RAPGEF2: variants seen among roughly 807,000 people sequenced by gnomAD.
RAPGEF2 encodes PDZ domain containing guanine nucleotide exchange factor (GEF) 1.
A neutral mutation model predicts 186.7 loss-of-function variants in RAPGEF2; 54 were observed. The ratio of observed to expected loss-of-function variants is 0.29; its 90% CI spans 0.23 to 0.36. RAPGEF2 has a LOEUF of 0.36. RAPGEF2 is among the 10% of genes least tolerant of loss of function. RAPGEF2 has a pLI of 1.00. For synonymous variants in RAPGEF2, 712 were observed against 705.9 expected, an observed-to-expected ratio of 1.01 and a Z score of -0.14; for missense variants, 1,532 against 2,045.0, an observed-to-expected ratio of 0.75 and a Z score of 4.84.
chr4:159,223,907 T>A (rs1751773061), intron 4 of RAPGEF2, among the ~76,000 whole-genome samples: 1 of 152,278 alleles, frequency 6.6e-6, no homozygotes, highest in Admixed American at 6.5e-5. Context: ...AGTGAACTTT[T>A]TTTTTTTTTG....
At chr4:159,240,756 A>G (rs917369494) in intron 5 of RAPGEF2, among the ~76,000 whole-genome samples, 1 of 151,212 alleles carries the variant, frequency 6.6e-6, no homozygotes, top group African/African-American at 2.4e-5. Context: ...TTCTGTTAGC[A>G]CTGTTTTTGA....
chr4:159,322,572 C>A, intron 10 of RAPGEF2, 89 bp downstream of exon 10: 1 of 1,079,742 alleles, frequency 9.3e-7, no homozygotes, highest in African/African-American at 1.6e-5. Context: ...TTACTTTTTC[C>A]TTTTTAATAC....
chr4:159,118,236 T>C (rs952002341), intron 1 of RAPGEF2, among the ~76,000 whole-genome samples: 1 of 152,156 alleles, frequency 6.6e-6, no homozygotes, highest in Non-Finnish European at 1.5e-5. Context: ...GCAGCAGCAT[T>C]AGATTCTCAT....
At chr4:159,318,056 T>TC (rs1764807567) in intron 9 of RAPGEF2, among the ~76,000 whole-genome samples, 1 of 146,978 alleles carries the variant, frequency 6.8e-6, no homozygotes, top group Admixed American at 6.6e-5. Flanking sequence ...AAAGCCATCT[T>TC]TAAAAAAAAA....
chr4:159,310,286 A>G (rs1212275671), intron 8 of RAPGEF2, among the ~76,000 whole-genome samples: 4 of 152,186 alleles, frequency 2.6e-5, no homozygotes, highest in Admixed American at 1.3e-4. Flanking sequence ...TACTCCTCGT[A>G]GGATTGTAAT....
intron 1 of RAPGEF2, among the ~76,000 whole-genome samples, chr4:159,146,467 T>C (rs1387331677): frequency 6.6e-6 from 1 of 152,042 alleles, no homozygotes; most frequent in Non-Finnish European, 1.5e-5. Context: ...TAACTAGAGA[T>C]AAAAGTCATT....
intron 26 of RAPGEF2, among the ~76,000 whole-genome samples, chr4:159,351,977 C>T (rs1580066235): frequency 6.6e-6 from 1 of 152,004 alleles, no homozygotes; most frequent in Middle Eastern, 3.4e-3. Context: ...AGATAGGCCC[C>T]TGCCATTGTG....
chr4:159,187,752 G>C (rs1747702326), intron 2 of RAPGEF2, among the ~76,000 whole-genome samples: 1 of 152,148 alleles, frequency 6.6e-6, no homozygotes, highest in South Asian at 2.1e-4. Context: ...TAGGAAGATG[G>C]ATAATATATA....
At chr4:159,318,793 A>G (rs901009274) in intron 9 of RAPGEF2, among the ~76,000 whole-genome samples, 4 of 152,202 alleles carry the variant, frequency 2.6e-5, no homozygotes, top group East Asian at 1.9e-4. Context: ...ATAAAATTGT[A>G]TCAAGCAAAC....
At chr4:159,342,553 A>ATTTTATATTATATTATTTTATTTTATT in intron 20 of RAPGEF2, among the ~76,000 whole-genome samples, 1 of 71,962 alleles carries the variant, frequency 1.4e-5, no homozygotes, top group African/African-American at 5.1e-5. Flanking sequence ...TTTATTTTAT[A>ATTTTATATTATATTATTTTATTTTATT]TTATTTTATT....
At position 159,208,983 on chromosome 4, in the gene RAPGEF2, C is replaced by T. The variant is rs547510086; in HGVS notation, c.198-1517C>T. 1.1e-4 allele frequency among the ~76,000 whole-genome samples: 16 copies of T among 152,042 alleles called. No homozygotes were observed. In the South Asian group the frequency reaches 1.5e-3, roughly 14 times the overall value. ...TCAGCTCACTACAACCTCCGCCTCC[C>T]GGGTTCAAGCGATTCTCCTGCCTCA... is the stretch of plus-strand genomic sequence containing the variant. On this transcript the variant is annotated intron_variant, in intron 3 of 29. Coordinates refer to ENST00000691494, the MANE Select transcript of RAPGEF2 (RefSeq NM_001394067.2).
intron 7 of RAPGEF2, among the ~76,000 whole-genome samples, chr4:159,264,513 G>A (rs552209147): frequency 2.0e-5 from 3 of 152,162 alleles, no homozygotes; most frequent in Non-Finnish European, 4.4e-5. Context: ...TGTGGGACAC[G>A]GGCCAGATGG....
chr4:159,110,994 G>C (rs1034139093), intron 1 of RAPGEF2, among the ~76,000 whole-genome samples: 2 of 151,494 alleles, frequency 1.3e-5, no homozygotes, highest in African/African-American at 4.8e-5. Context: ...GCATTATTTT[G>C]ACTTCTAGAA....
intron 1 of RAPGEF2, among the ~76,000 whole-genome samples, chr4:159,150,439 T>G (rs1022913882): frequency 2.0e-5 from 3 of 152,212 alleles, no homozygotes; most frequent in African/African-American, 7.2e-5. Context: ...CACACATATT[T>G]TCTCTGTAAG....
intron 10 of RAPGEF2, among the ~76,000 whole-genome samples, chr4:159,322,864 G>A (rs1185395230): frequency 6.6e-6 from 1 of 152,086 alleles, no homozygotes; most frequent in Non-Finnish European, 1.5e-5. Flanking sequence ...ACTACCAAGA[G>A]AACAGTATAG....
chr4:159,325,603 G>GTT lies in RAPGEF2; in HGVS notation c.1149+1994_1149+1995dup, dbSNP rs11383811. ...TTGACGAGCAAGTAAAAGTTTGTTTGTTTTTTTTTGAGAATTCAGCCATTG... is the reference window on the plus strand; with the variant it reads ...TTGACGAGCAAGTAAAAGTTTGTTTGTTTTTTTTTTTGAGAATTCAGCCATTG... On this transcript the variant is annotated intron_variant, in intron 11 of 29. Transcript: ENST00000691494. Among the ~76,000 whole-genome samples the GTT allele has an allele frequency of 8.8e-3, 1,319 of 150,694 alleles. 10 individuals are homozygous for GTT. The highest frequency in any genetic ancestry group is 0.021 in the African/African-American group (876 of 40,998).
chr4:159,227,065 T>TTA (rs1185467247), intron 4 of RAPGEF2, among the ~76,000 whole-genome samples: 6 of 152,346 alleles, frequency 3.9e-5, no homozygotes, highest in Non-Finnish European at 8.8e-5. Flanking sequence ...AAAGAAATAC[T>TTA]TACCATTTCA....
chr4:159,232,320 C>T (rs907389875), intron 4 of RAPGEF2, among the ~76,000 whole-genome samples: 14 of 152,178 alleles, frequency 9.2e-5, no homozygotes, highest in Non-Finnish European at 1.9e-4. Flanking sequence ...AACCTTGAAT[C>T]GACTTTCTGT....
At chr4:159,213,911 A>G (rs1314326693) in intron 4 of RAPGEF2, among the ~76,000 whole-genome samples, 2 of 152,192 alleles carry the variant, frequency 1.3e-5, no homozygotes, top group Non-Finnish European at 2.9e-5. Flanking sequence ...GTTTTGAAAC[A>G]TTGATATTTA....
Sources: allele counts gnomAD v4.1 joint callset (sites outside exome capture counted in the v4.1 genomes callset), GRCh38; gene constraint gnomAD v4.1.1; transcripts MANE v1.5; gene names NCBI Gene and HGNC (gene_info 2026-07-23, HGNC 2026-07-21).